Variants in SLCO1B1 observed in about 807,000 individuals in gnomAD.
SLCO1B1 encodes the protein OATP-2.
Under a neutral mutation model 70.1 loss-of-function variants are expected in SLCO1B1, and 81 were observed. The ratio of observed to expected loss-of-function variants is 1.16; its 90% CI spans 0.97 to 1.39. The LOEUF is 1.39. SLCO1B1 is among the 40% of genes most tolerant of loss of function. The probability of loss-of-function intolerance (pLI) is 0.00; values close to 1 mark genes in which losing one functional copy is unlikely to be tolerated. For synonymous variants in SLCO1B1, 283 were observed against 271.5 expected, an observed-to-expected ratio of 1.04 and a Z score of -0.42; for missense variants, 895 against 799.6, an observed-to-expected ratio of 1.12 and a Z score of -1.44.
At chr12:21,229,868 A>C (rs577647180) in intron 14 of SLCO1B1, among the ~76,000 whole-genome samples, 1 of 152,282 alleles carries the variant, frequency 6.6e-6, no homozygotes, top group African/African-American at 2.4e-5. Flanking sequence ...TTCTTTTTAA[A>C]AATTACATTA....
intron 2 of SLCO1B1, among the ~76,000 whole-genome samples, chr12:21,147,440 A>G (rs1940403068): frequency 6.6e-6 from 1 of 152,016 alleles, no homozygotes; most frequent in Non-Finnish European, 1.5e-5. Context: ...CTAGCCCCCC[A>G]ACCCCCAACA....
At chr12:21,194,668 C>A (rs922973793) in intron 7 of SLCO1B1, among the ~76,000 whole-genome samples, 1 of 152,168 alleles carries the variant, frequency 6.6e-6, no homozygotes, top group African/African-American at 2.4e-5. Flanking sequence ...TTACCTAGTT[C>A]CAAAGTCAAG....
chr12:21,211,790 G>C (rs1423062163), intron 11 of SLCO1B1, among the ~76,000 whole-genome samples: 6 of 152,300 alleles, frequency 3.9e-5, no homozygotes, highest in Middle Eastern at 6.8e-3. Flanking sequence ...TTAGTCTTCG[G>C]AGAGTGTATA....
intron 7 of SLCO1B1, among the ~76,000 whole-genome samples, chr12:21,184,552 T>C (rs970181808): frequency 6.6e-6 from 1 of 152,136 alleles, no homozygotes; most frequent in East Asian, 1.9e-4. Context: ...CTCCTTCTCA[T>C]ACAAGCAAAC....
intron 11 of SLCO1B1, among the ~76,000 whole-genome samples, chr12:21,208,086 A>G (rs1941235077): frequency 6.6e-6 from 1 of 151,610 alleles, no homozygotes; most frequent in African/African-American, 2.4e-5. Flanking sequence ...CTCCCATTCC[A>G]TAGATTGTCT....
chr12:21,218,017 G>A (rs1025225377), intron 12 of SLCO1B1, among the ~76,000 whole-genome samples: 1 of 152,116 alleles, frequency 6.6e-6, no homozygotes, highest in African/African-American at 2.4e-5. Flanking sequence ...AGATTCAAAA[G>A]GAAAGTTAAT....
At chr12:21,227,489 A>T (rs923805500) in intron 14 of SLCO1B1, among the ~76,000 whole-genome samples, 1 of 152,154 alleles carries the variant, frequency 6.6e-6, no homozygotes, top group Non-Finnish European at 1.5e-5. Flanking sequence ...TAAAATCCCC[A>T]GCAGATAAAA....
At chr12:21,215,872 C>A (rs895986315) in intron 11 of SLCO1B1, among the ~76,000 whole-genome samples, 7 of 151,938 alleles carry the variant, frequency 4.6e-5, no homozygotes, top group Admixed American at 2.0e-4. Context: ...TTTTTCAGTA[C>A]TGATTCAAAT....
chr12:21,178,455 TTACTTG>T lies in SLCO1B1; in HGVS notation c.482-112_482-107del, dbSNP rs4149096. 0.39 allele frequency: 283,559 copies of T among 718,090 alleles called. 58,417 individuals are homozygous for T. The highest frequency in any genetic ancestry group is 0.57 in the African/African-American group (31,654 of 55,208). 44.5% of individuals were successfully genotyped at this position (718,090 alleles called of 1,614,324 possible). ...TCAAAGTTTGCAAAGTGAATATAAA[TTACTTG>T]TACTTGTAAATTAAAAAAAAATAAG... On this transcript the variant is annotated intron_variant, in intron 5 of 14. Transcript: ENST00000256958.
intron 2 of SLCO1B1, 68 bp downstream of exon 2, chr12:21,141,726 G>T: frequency 1.1e-6 from 1 of 939,932 alleles, no homozygotes; most frequent in Non-Finnish European, 1.7e-6. Flanking sequence ...AGAAAAGCAA[G>T]TTGTTAAAAA....
chr12:21,186,596 A>C (rs1488081517), intron 7 of SLCO1B1, among the ~76,000 whole-genome samples: 1 of 152,108 alleles, frequency 6.6e-6, no homozygotes, highest in Non-Finnish European at 1.5e-5. Context: ...TTGATATATA[A>C]TGCAGATTGA....
intron 7 of SLCO1B1, among the ~76,000 whole-genome samples, chr12:21,193,296 T>G: frequency 6.6e-6 from 1 of 152,176 alleles, no homozygotes; most frequent in East Asian, 1.9e-4. Flanking sequence ...AGTGAGATAT[T>G]ATGAAGTCAG....
intron 7 of SLCO1B1, among the ~76,000 whole-genome samples, chr12:21,185,653 T>A (rs558887450): frequency 1.3e-5 from 2 of 151,736 alleles, no homozygotes; most frequent in East Asian, 3.9e-4. Flanking sequence ...AGATTTCAAA[T>A]TAACAATTTA....
intron 7 of SLCO1B1, among the ~76,000 whole-genome samples, chr12:21,193,682 G>T (rs1941056991): frequency 6.6e-6 from 1 of 151,844 alleles, no homozygotes; most frequent in African/African-American, 2.4e-5. Context: ...TCAACTTTAG[G>T]TCATTTCTTT....
chr12:21,196,988 C>T lies in SLCO1B1; in HGVS notation c.770C>T (p.Ala257Val). 1 of 1,613,442 alleles carries T rather than the reference C, an allele frequency of 6.2e-7. No individual in the cohort carries two copies. The highest frequency in any genetic ancestry group is 8.5e-7 in the Non-Finnish European group (1 of 1,179,548). ...ITPTDSRWVG[A>V]WWLNFLVSGL... ...CCTACTGATTCTCGATGGGTTGGAG[C>T]TTGGTGGCTTAATTTCCTTGTGTCT... The change falls in exon 8 of 15, where the codon GCT (alanine) becomes GTT (valine). Residue 257 changes from alanine (A) to valine (V), a missense_variant. Physicochemically the swap from Ala to Val is moderately conservative, Grantham distance 64 (BLOSUM62 0). Transcript: ENST00000256958.
intron 11 of SLCO1B1, among the ~76,000 whole-genome samples, chr12:21,215,091 C>A (rs1027578880): frequency 6.6e-6 from 1 of 151,722 alleles, no homozygotes; most frequent in Non-Finnish European, 1.5e-5. Flanking sequence ...CTCCTCCAAC[C>A]AGGGTTTTTG....
At position 21,178,679 on chromosome 12, in the gene SLCO1B1, C is replaced by T; in HGVS notation, c.585C>T (p.Tyr195=). The change falls in exon 6 of 15, where the codon TAC becomes TAT. Residue 195 remains tyrosine, a synonymous_variant. Coordinates refer to ENST00000256958, the MANE Select transcript of SLCO1B1 (RefSeq NM_006446.5). The part of the protein sequence containing the change: ...ETPIVPLGLS[Y]IDDFAKEGHS... ...CCATAGTACCATTGGGGCTTTCTTA[C>T]ATTGATGATTTCGCTAAAGAAGGAC... 4 of 1,607,254 alleles carry T rather than the reference C, an allele frequency of 2.5e-6. No individual in the cohort carries two copies. The highest frequency in any genetic ancestry group is 3.4e-6 in the Non-Finnish European group (4 of 1,173,820).
At chr12:21,230,554 T>C (rs569152138) in intron 14 of SLCO1B1, among the ~76,000 whole-genome samples, 18 of 152,196 alleles carry the variant, frequency 1.2e-4, no homozygotes, top group African/African-American at 4.3e-4. Flanking sequence ...GGTCTCGAAC[T>C]CCTGACCTCA....
intron 1 of SLCO1B1, among the ~76,000 whole-genome samples, chr12:21,132,748 G>A (rs1206037087): frequency 6.6e-6 from 1 of 152,088 alleles, no homozygotes; most frequent in Non-Finnish European, 1.5e-5. Context: ...TGTCAGATGA[G>A]TAGGTTGCAA....
Sources: gnomAD v4.1 joint callset for allele counts (sites outside exome capture counted in the v4.1 genomes callset) on GRCh38, gnomAD v4.1.1 for gene constraint, MANE v1.5 for transcripts, NCBI Gene and HGNC (gene_info 2026-07-23, HGNC 2026-07-21) for gene names.